Variants in MAP2K3 observed in about 807,000 individuals in gnomAD.
MAP2K3 encodes the protein dual specificity mitogen-activated protein kinase kinase 3.
MAP2K3 carries 30 observed loss-of-function variants against 46.4 expected under a neutral mutation model. That is an observed-to-expected ratio of 0.65 (90% CI 0.48 to 0.88). The LOEUF (loss-of-function observed/expected upper bound fraction) is 0.88, where lower values mean the gene tolerates loss of function less well. Ranked by LOEUF, MAP2K3 falls within the 40% of genes least tolerant of loss-of-function variation. The pLI is 0.00. For synonymous variants in MAP2K3, 189 were observed against 176.3 expected, an observed-to-expected ratio of 1.07 and a Z score of -0.57; for missense variants, 380 against 464.5, an observed-to-expected ratio of 0.82 and a Z score of 1.67.
intron 6 of MAP2K3, among the ~76,000 whole-genome samples, chr17:21,302,571 C>T (rs1351512611): frequency 2.0e-5 from 3 of 152,308 alleles, no homozygotes; most frequent in African/African-American, 7.2e-5. Context: ...GTATTTACAA[C>T]AGCGTCATAC....
At position 21,302,217 on chromosome 17, in the gene MAP2K3, C is replaced by T. The variant is rs1386596220; in HGVS notation, c.474C>T (p.Asn158=). The change falls in exon 6 of 12, where the codon AAC becomes AAT. Residue 158 remains asparagine (N), a synonymous_variant. Transcript: ENST00000342679. ...DKFYRKVLDK[N]MTIPEDILGE... is the part of the protein sequence containing the mutation. ...TCTACCGGAAGGTGCTGGATAAAAA[C>T]ATGACAATTCCAGAGGACATCCTTG... 3 of 1,479,530 alleles carry T rather than the reference C, an allele frequency of 2.0e-6. No individual in the cohort carries two copies. The highest frequency in any genetic ancestry group is 2.7e-6 in the Non-Finnish European group (3 of 1,094,752). The allele number at this position is 1,479,530 out of a possible 1,614,324, so 91.7% of individuals were successfully genotyped here.
At chr17:21,298,630 G>A (rs1208404094) in intron 2 of MAP2K3, 151 bp downstream of exon 2, 2 of 1,330,196 alleles carry the variant, frequency 1.5e-6, no homozygotes, top group Non-Finnish European at 2.2e-6. Context: ...GGTGACGGCT[G>A]CTGGGGGTTC....
intron 1 of MAP2K3, chr17:21,296,162 C>T (rs1201515823): frequency 7.8e-7 from 1 of 1,289,644 alleles, no homozygotes; most frequent in South Asian, 1.2e-5. Flanking sequence ...CTGTGCTGAG[C>T]ACCTTGCAGA....
chr17:21,300,437 G>A (rs1462141512), intron 3 of MAP2K3, 108 bp from the exon 4 acceptor site: 1 of 1,172,948 alleles, frequency 8.5e-7, no homozygotes, highest in African/African-American at 1.5e-5. Context: ...TTTGAGCCCA[G>A]ATCTAATCAG....
intron 1 of MAP2K3, among the ~76,000 whole-genome samples, chr17:21,293,899 C>T (rs568915246): frequency 6.6e-6 from 1 of 152,428 alleles, no homozygotes; most frequent in Admixed American, 6.5e-5. Flanking sequence ...GACAGGGGCC[C>T]CAGAACCTCA....
chr17:21,302,078 G>T, intron 5 of MAP2K3, 65 bp from the exon 6 acceptor site: 1 of 1,496,944 alleles, frequency 6.7e-7, no homozygotes, highest in Non-Finnish European at 9.3e-7. Flanking sequence ...GCTGGGGCAG[G>T]CAGTGCAGGT....
rs1478465930 is a variant in MAP2K3, at chr17:21,304,423, C to T, written c.569-3C>T. On this transcript the variant is annotated splice_polypyrimidine_tract_variant and splice_region_variant and intron_variant, in intron 7 of 11. Transcript: ENST00000342679. ...GTGGCTGAGGCATGTCCCTCCCTGG[C>T]AGATGTGAAGCCCTCCAATGTCCTT... The T allele has an allele frequency of 6.2e-7, 1 of 1,614,194 alleles. No homozygotes were observed.
chr17:21,310,835 A>G (rs1977127661), intron 9 of MAP2K3, among the ~76,000 whole-genome samples: 1 of 152,192 alleles, frequency 6.6e-6, no homozygotes, highest in Non-Finnish European at 1.5e-5. Context: ...TCTGGAGGCT[A>G]TTTTTGTTGT....
chr17:21,307,227 G>T (rs1485998739), intron 9 of MAP2K3, among the ~76,000 whole-genome samples: 6 of 152,296 alleles, frequency 3.9e-5, no homozygotes, highest in African/African-American at 1.4e-4. Context: ...GCCTTACCCT[G>T]AGTCACCTCA....
At chr17:21,311,478 T>C (rs1977157351) in intron 9 of MAP2K3, among the ~76,000 whole-genome samples, 1 of 152,102 alleles carries the variant, frequency 6.6e-6, no homozygotes, top group Non-Finnish European at 1.5e-5. Context: ...GCAGGGCACA[T>C]GTGGCCACAC....
At chr17:21,298,153 T>C (rs1016427102) in intron 1 of MAP2K3, among the ~76,000 whole-genome samples, 25 of 152,416 alleles carry the variant, frequency 1.6e-4, no homozygotes, top group Middle Eastern at 3.4e-3. Flanking sequence ...ACTCAAGATG[T>C]GCCCAGTGGG....
At position 21,284,917 on chromosome 17, in the gene MAP2K3, C is replaced by T. The variant is rs1205523164; in HGVS notation, c.-4C>T. On this transcript the variant is annotated 5_prime_UTR_variant, in exon 1 of 12. Coordinates refer to ENST00000342679, the MANE Select transcript of MAP2K3 (RefSeq NM_145109.3). ...TCCACCGCCGTCCAGGACCCACTTGCAGCATGGAGTCGCCCGCCTCGAGCC... is the reference window on the plus strand; with the variant it reads ...TCCACCGCCGTCCAGGACCCACTTGTAGCATGGAGTCGCCCGCCTCGAGCC... 4 of 1,611,966 alleles carry T rather than the reference C, an allele frequency of 2.5e-6. No homozygotes were observed. In the Admixed American group the frequency reaches 6.7e-5, roughly 27 times the overall value.
intron 6 of MAP2K3, 87 bp from the exon 7 acceptor site, chr17:21,303,096 T>C (rs1415202825): frequency 1.6e-5 from 25 of 1,558,476 alleles, no homozygotes; most frequent in South Asian, 1.5e-4. Flanking sequence ...CAGGTGGACA[T>C]GGATGGGGTC....
chr17:21,294,057 A>G (rs1976099096), intron 1 of MAP2K3, among the ~76,000 whole-genome samples: 1 of 152,428 alleles, frequency 6.6e-6, no homozygotes, highest in Non-Finnish European at 1.5e-5. Context: ...AAACACATCC[A>G]TCCACACCGT....
chr17:21,298,525 C>G, intron 2 of MAP2K3, 46 bp downstream of exon 2: 1 of 1,614,208 alleles, frequency 6.2e-7, no homozygotes, highest in East Asian at 2.2e-5. Context: ...GAGAGGCTTC[C>G]CGAACAGGGC....
At chr17:21,300,282 T>G (rs1976517948) in intron 3 of MAP2K3, among the ~76,000 whole-genome samples, 1 of 152,310 alleles carries the variant, frequency 6.6e-6, no homozygotes, top group Non-Finnish European at 1.5e-5. Context: ...GAGCTGTACC[T>G]GCTGGCGGGG....
intron 8 of MAP2K3, 148 bp from the exon 9 acceptor site, chr17:21,304,903 G>C: frequency 9.7e-7 from 1 of 1,031,474 alleles, no homozygotes. Context: ...TTCTAAGCAT[G>C]ACCCAGGCCC....
At chr17:21,298,753 A>T in intron 2 of MAP2K3, 125 bp from the exon 3 acceptor site, 3 of 1,422,270 alleles carry the variant, frequency 2.1e-6, no homozygotes, top group Non-Finnish European at 2.9e-6. Flanking sequence ...AGGTGGCCGG[A>T]GAAGGCGCCT....
chr17:21,298,437 T>C lies in MAP2K3; in HGVS notation c.74T>C (p.Leu25Pro), dbSNP rs1355867861. 1.2e-6 allele frequency: 2 copies of C among 1,614,318 alleles called. No individual in the cohort carries two copies. Among genetic ancestry groups the C allele is most frequent in the Admixed American group, 1.7e-5 (1 of 60,038 alleles). The change falls in exon 2 of 12, where the codon CTA becomes CCA. Residue 25 changes from leucine to proline, a missense_variant. Leu to Pro is a moderately conservative substitution (Grantham distance 98). This residue lies in a region of MAP2K3 where 294 missense variants were observed against 275.4 expected (regional missense o/e 1.07). Transcript: ENST00000342679. ...SKGKSKRKKD[L>P]RISCMSKPPA... ...GGAAAATCCAAGAGGAAGAAGGATC[T>C]ACGGATATCCTGCATGTCCAAGCCA...
Sources: gnomAD v4.1 joint callset for allele counts (sites outside exome capture counted in the v4.1 genomes callset) on GRCh38, gnomAD v4.1.1 for gene constraint, gnomAD v4.1.1 regional missense constraint, MANE v1.5 for transcripts, NCBI Gene and HGNC (gene_info 2026-07-23, HGNC 2026-07-21) for gene names.